Variants in NEBL observed in about 807,000 individuals in gnomAD.
The protein encoded by NEBL is LIM and SH3 protein 2.
Under a neutral mutation model 140.2 loss-of-function variants are expected in NEBL, and 122 were observed. That is an observed-to-expected ratio of 0.87 (90% confidence interval 0.75 to 1.01). The LOEUF (loss-of-function observed/expected upper bound fraction) is 1.01, where lower values mean the gene tolerates loss of function less well. Ranked by LOEUF, NEBL falls within the 50% of genes least tolerant of loss-of-function variation. The pLI, the probability that NEBL is intolerant of heterozygous loss-of-function variation, is 0.00. For synonymous variants in NEBL, 436 were observed against 398.9 expected, an observed-to-expected ratio of 1.09 and a Z score of -1.11; for missense variants, 1,365 against 1,231.3, an observed-to-expected ratio of 1.11 and a Z score of -1.62.
At chr10:20,903,392 A>C (rs533650550) in intron 4 of NEBL, among the ~76,000 whole-genome samples, 1 of 152,326 alleles carries the variant, frequency 6.6e-6, no homozygotes, top group South Asian at 2.1e-4. Context: ...TGTGGTGAAA[A>C]GGGAACACTT....
chr10:21,162,247 T>A (rs955574933), intron 2 of NEBL, among the ~76,000 whole-genome samples: 2 of 152,194 alleles, frequency 1.3e-5, no homozygotes, highest in Admixed American at 1.3e-4. Context: ...CCTAAGTGTC[T>A]CTTCATCTGG....
chr10:21,103,620 C>T (rs1208334399), intron 2 of NEBL, among the ~76,000 whole-genome samples: 1 of 152,118 alleles, frequency 6.6e-6, no homozygotes, highest in Non-Finnish European at 1.5e-5. Flanking sequence ...AAAGAGGCTC[C>T]TTCAACTCTT....
At chr10:21,035,626 T>C (rs971046546) in intron 2 of NEBL, among the ~76,000 whole-genome samples, 1 of 152,166 alleles carries the variant, frequency 6.6e-6, no homozygotes, top group African/African-American at 2.4e-5. Context: ...GAGAAAGATG[T>C]CCAGCTTTAA....
chr10:21,196,438 G>A (rs549517740), intron 3 of NEBL, among the ~76,000 whole-genome samples: 9 of 151,476 alleles, frequency 5.9e-5, no homozygotes, highest in East Asian at 3.9e-4. Flanking sequence ...TCTGCCTTCC[G>A]GGTTCAAGAG....
At chr10:21,028,235 C>CAAAAAAAA (rs1168946872) in intron 2 of NEBL, among the ~76,000 whole-genome samples, 18 of 66,226 alleles carry the variant, frequency 2.7e-4, no homozygotes, top group African/African-American at 3.5e-4. Context: ...TCAAACATCT[C>CAAAAAAAA]AAAAAAAAAA....
chr10:20,798,312 T>C (rs1836776669), intron 26 of NEBL, among the ~76,000 whole-genome samples: 1 of 151,778 alleles, frequency 6.6e-6, no homozygotes, highest in South Asian at 2.1e-4. Flanking sequence ...TATTAAAGAG[T>C]TCCTCTAAAG....
chr10:21,287,991 TCTG>T (rs2132303934), intron 1 of NEBL, among the ~76,000 whole-genome samples: 1 of 152,342 alleles, frequency 6.6e-6, no homozygotes, highest in South Asian at 2.1e-4. Flanking sequence ...AAGCTATTAA[TCTG>T]TCTCAATTTT....
intron 5 of NEBL, among the ~76,000 whole-genome samples, chr10:20,877,305 C>G (rs1276142836): frequency 1.3e-5 from 2 of 152,190 alleles, no homozygotes; most frequent in Admixed American, 1.3e-4. Flanking sequence ...CATTAAGTAA[C>G]TCATCCAGGG....
At chr10:21,181,715 A>G (rs1159199772) in intron 3 of NEBL, among the ~76,000 whole-genome samples, 2 of 152,186 alleles carry the variant, frequency 1.3e-5, no homozygotes, top group Non-Finnish European at 2.9e-5. Context: ...TTCCTTGCCC[A>G]CAGAGCGTAC....
intron 16 of NEBL, 73 bp from the exon 17 acceptor site, chr10:20,828,707 AG>A: frequency 1.1e-6 from 1 of 951,964 alleles, no homozygotes; most frequent in Non-Finnish European, 1.7e-6. Context: ...GGAGGGAGGC[AG>A]GAAAGGAGGA....
chr10:20,837,932 T>C (rs1315912897), intron 13 of NEBL, among the ~76,000 whole-genome samples: 1 of 152,210 alleles, frequency 6.6e-6, no homozygotes, highest in Non-Finnish European at 1.5e-5. Flanking sequence ...TGCCAAAACC[T>C]AATGTTCATA....
At chr10:20,848,841 C>T (rs1307782918) in intron 11 of NEBL, among the ~76,000 whole-genome samples, 2 of 152,112 alleles carry the variant, frequency 1.3e-5, no homozygotes. Flanking sequence ...ATTCTTTTTC[C>T]TTTTTGCTTG....
upstream of NEBL, among the ~76,000 whole-genome samples, chr10:20,900,255 T>C (rs75683112): frequency 6.6e-6 from 1 of 152,212 alleles, no homozygotes; most frequent in Non-Finnish European, 1.5e-5. Flanking sequence ...CCAAGAGACA[T>C]CACTTATGGC....
At chr10:21,149,354 A>C (rs1229753682) in intron 2 of NEBL, among the ~76,000 whole-genome samples, 4 of 151,908 alleles carry the variant, frequency 2.6e-5, no homozygotes, top group Admixed American at 2.0e-4. Context: ...ATAGTGGTGC[A>C]ATCTCAGCTC....
chr10:21,057,542 C>CTTTTTT (rs5783764), intron 2 of NEBL, among the ~76,000 whole-genome samples: 43 of 71,742 alleles, frequency 6.0e-4, no homozygotes, highest in East Asian at 1.4e-3. Flanking sequence ...AATGAAATTC[C>CTTTTTT]TTTTTTTTTT....
chr10:21,207,425 A>T lies in NEBL; in HGVS notation n.349-34948T>A, dbSNP rs146561121. Among the ~76,000 whole-genome samples, 170 of 152,292 alleles carry T rather than the reference A, an allele frequency of 1.1e-3. 1 individual carries two copies. The highest frequency in any genetic ancestry group is 4.0e-3 in the African/African-American group (166 of 41,554). The stretch of plus-strand genomic sequence containing the variant: ...CTTAATTATAACAATATTTCTGCCC[A>T]GAATTCTTATTAACTCTATAAAGAT... On this transcript the variant is annotated intron_variant and non_coding_transcript_variant, in intron 3 of 8. Coordinates refer to the NEBL transcript ENST00000675702.
intron 2 of NEBL, among the ~76,000 whole-genome samples, chr10:21,067,464 A>G (rs1835617246): frequency 6.6e-6 from 1 of 152,192 alleles, no homozygotes; most frequent in African/African-American, 2.4e-5. Context: ...ATATCATAAA[A>G]AAGAGAAAGC....
chr10:20,898,790 C>G (rs1486235582), upstream of NEBL, among the ~76,000 whole-genome samples: 1 of 152,068 alleles, frequency 6.6e-6, no homozygotes, highest in African/African-American at 2.4e-5. Flanking sequence ...ATCTACCTAC[C>G]TACCTATCTA....
In NEBL at chr10:20,840,819, T is replaced by A. The variant is rs761905318; in HGVS notation, c.1258A>T (p.Ile420Leu). The change falls in exon 13 of 28, where the codon ATA (isoleucine) becomes TTA (leucine). Residue 420 changes from isoleucine (I) to leucine (L), a missense_variant. Coordinates refer to ENST00000377122, the MANE Select transcript of NEBL (RefSeq NM_006393.3). Reference protein sequence around the residue: ...KEYKKDLENEIKGKGMELNSE... With the variant: ...KEYKKDLENELKGKGMELNSE... ...TTAAGTTCCATTCCTTTCCCTTTTA[T>A]CTCATTTTCCAAATCTTTTTTATAT... 6.2e-7 allele frequency: 1 copy of A among 1,605,614 alleles called. No individual in the cohort carries two copies. Among genetic ancestry groups the A allele is most frequent in the South Asian group, 1.1e-5 (1 of 90,884 alleles).
Sources: allele counts gnomAD v4.1 joint callset (sites outside exome capture counted in the v4.1 genomes callset), GRCh38; gene constraint gnomAD v4.1.1; transcripts MANE v1.5; gene names NCBI Gene and HGNC (gene_info 2026-07-23, HGNC 2026-07-21).